HEPHL1: variants seen among roughly 807,000 people sequenced by gnomAD.
HEPHL1 encodes ferroxidase HEPHL1.
Under a neutral mutation model 122.0 loss-of-function variants are expected in HEPHL1, and 123 were observed. The observed-to-expected ratio is 1.01, with a 90% confidence interval of 0.87 to 1.17. HEPHL1 has a LOEUF of 1.17. HEPHL1 is among the 50% of genes most tolerant of loss of function. The pLI, the probability that HEPHL1 is intolerant of heterozygous loss-of-function variation, is 0.00. For missense variants in HEPHL1, 1,452 were observed against 1,430.5 expected, an observed-to-expected ratio of 1.01 and a Z score of -0.24; for synonymous variants, 527 against 508.9, an observed-to-expected ratio of 1.04 and a Z score of -0.48.
intron 15 of HEPHL1, among the ~76,000 whole-genome samples, chr11:94,103,731 G>C (rs1042846316): frequency 5.9e-5 from 9 of 151,736 alleles, no homozygotes; most frequent in Admixed American, 2.0e-4. Context: ...GCCTATTAAA[G>C]AAAAAAAGGG....
chr11:94,088,966 A>G lies in HEPHL1; in HGVS notation c.2292A>G (p.Glu764=), dbSNP rs376696234. The G allele has an allele frequency of 8.7e-6, 14 of 1,613,750 alleles. No individual in the cohort carries two copies. In the African/African-American group the frequency reaches 1.6e-4, roughly 18 times the overall value. Residue 764 remains glutamate, a splice_region_variant and synonymous_variant, in exon 12 of 20, where the codon GAA becomes GAG. Transcript: ENST00000315765. ...AGCAGCACGTGGACGCAAGAGGGGA[A>G]AGGTACCACAGGCGCCGCCGCTAGG... is the stretch of plus-strand genomic sequence containing the variant. ...FEKQHVDARG[E]RHGDIFMNRT...
At chr11:94,052,596 T>C (rs563603298) in intron 2 of HEPHL1, among the ~76,000 whole-genome samples, 1 of 152,232 alleles carries the variant, frequency 6.6e-6, no homozygotes, top group East Asian at 1.9e-4. Flanking sequence ...AGTTTGGATG[T>C]CCTTATTTCT....
chr11:94,098,446 T>A (rs1946337853), intron 13 of HEPHL1, among the ~76,000 whole-genome samples: 1 of 152,222 alleles, frequency 6.6e-6, no homozygotes, highest in African/African-American at 2.4e-5. Flanking sequence ...GCCCATAACA[T>A]TTTTTCCTTC....
rs375799549 is a variant in HEPHL1 at position 94,104,656 on chromosome 11, C to G, written c.2811C>G (p.Ser937=). ...LLFLVFNENE[S]WYLDDNIKKY... The stretch of plus-strand genomic sequence containing the variant: ...TTTTGGTATTTAATGAGAATGAATC[C>G]TGGTATCTGGATGACAATATTAAGA... The change falls in exon 16 of 20, where the codon TCC becomes TCG. Residue 937 remains serine, a synonymous_variant. Transcript: ENST00000315765. The G allele has an allele frequency of 1.2e-6, 2 of 1,613,570 alleles. No individual in the cohort carries two copies. Among genetic ancestry groups the G allele is most frequent in the Non-Finnish European group, 1.7e-6 (2 of 1,179,574 alleles).
chr11:94,106,045 C>A lies in HEPHL1; in HGVS notation c.2960C>A (p.Thr987Lys). 3 of 1,600,758 alleles carry A rather than the reference C, an allele frequency of 1.9e-6. No individual in the cohort carries two copies. The highest frequency in any genetic ancestry group is 2.3e-5 in the South Asian group (2 of 88,634). Reference protein sequence around the residue: ...NLHGLIMNEDTMTNWYLLGIG... With the variant: ...NLHGLIMNEDKMTNWYLLGIG... ...CATGGCCTCATAATGAACGAAGATA[C>A]AATGACAAACTGGTATTTGTTAGGG... Residue 987 changes from threonine (T) to lysine (K), a missense_variant, in exon 17 of 20, where the codon ACA (threonine) becomes AAA (lysine). By Grantham distance (78) the Thr-to-Lys change is moderately conservative. Transcript: ENST00000315765.
chr11:94,105,960 C>A, intron 16 of HEPHL1, 31 bp from the exon 17 acceptor site: 2 of 1,484,428 alleles, frequency 1.3e-6, no homozygotes, highest in Non-Finnish European at 1.8e-6. Context: ...TTTTAACTAA[C>A]CAAAGGTTAT....
rs199720861 is a variant in HEPHL1 at position 94,045,759 on chromosome 11, C to G, written c.257C>G (p.Thr86Ser). ...GTTTACAGACGCTTCACGGATGGAA[C>G]CTACTCCATAGAGATCCCCAAACCT... ...KAVYRRFTDG[T>S]YSIEIPKPPW... The change falls in exon 2 of 20, where the codon ACC becomes AGC. Residue 86 changes from threonine (T) to serine (S), a missense_variant. Coordinates refer to ENST00000315765, the MANE Select transcript of HEPHL1 (RefSeq NM_001098672.2). 5 of 1,613,782 alleles carry G rather than the reference C, an allele frequency of 3.1e-6. No individual in the cohort carries two copies. The highest frequency in any genetic ancestry group is 2.2e-5 in the East Asian group (1 of 44,894).
At position 94,063,542 on chromosome 11, in the gene HEPHL1, C is replaced by T. The variant is rs756758997; in HGVS notation, c.450C>T (p.Asn150=). Residue 150 remains asparagine (N), a synonymous_variant, in exon 3 of 20, where the codon AAC becomes AAT. Coordinates refer to ENST00000315765, the MANE Select transcript of HEPHL1 (RefSeq NM_001098672.2). ...ALYPDGTSGR[N]KNDDMVPPGK... ...ACCCAGATGGAACATCTGGAAGGAA[C>T]AAAAATGATGACATGGTTCCTCCTG... 1.2e-6 allele frequency: 2 copies of T among 1,612,244 alleles called. No individual in the cohort carries two copies. The highest frequency in any genetic ancestry group is 1.3e-5 in the African/African-American group (1 of 74,736).
intron 13 of HEPHL1, among the ~76,000 whole-genome samples, chr11:94,100,940 T>C (rs2134451521): frequency 6.6e-6 from 1 of 152,268 alleles, no homozygotes; most frequent in Admixed American, 6.5e-5. Context: ...AAACTGAAAC[T>C]CAGACAGATT....
rs1192017167 is a variant in HEPHL1, at chr11:94,073,391, C to T, written c.1456C>T (p.His486Tyr). Residue 486 changes from histidine to tyrosine, a missense_variant, in exon 8 of 20, where the codon CAT (histidine) becomes TAT (tyrosine). Coordinates refer to ENST00000315765, the MANE Select transcript of HEPHL1 (RefSeq NM_001098672.2). ...CGACAAGGTCTATAGCATTTTACCCCATGGTGTGATCTATGACAAGGCATC... is the reference window on the plus strand; with the variant it reads ...CGACAAGGTCTATAGCATTTTACCCTATGGTGTGATCTATGACAAGGCATC... ...KADKVYSILP[H>Y]GVIYDKASDA... is the part of the protein sequence containing the mutation. The T allele has an allele frequency of 2.6e-6, 4 of 1,567,222 alleles. No individual in the cohort carries two copies. In the African/African-American group the frequency reaches 5.4e-5, roughly 21 times the overall value.
chr11:94,083,064 G>A (rs925958380), intron 10 of HEPHL1, among the ~76,000 whole-genome samples: 9 of 145,840 alleles, frequency 6.2e-5, no homozygotes, highest in African/African-American at 1.5e-4. Context: ...CAGCCTGGGC[G>A]ACAGAGTGAG....
rs1032035004 is a variant in HEPHL1, at chr11:94,067,019, A to G, written c.809-477A>G. Reference sequence around the variant, plus strand: ...ATTCCTTTTCTTTCCATCTTACTACATGCTTTTGTCACTTCATTAAGTAGA... The same window carrying G: ...ATTCCTTTTCTTTCCATCTTACTACGTGCTTTTGTCACTTCATTAAGTAGA... On this transcript the variant is annotated intron_variant, in intron 4 of 19. Transcript: ENST00000315765. 2.6e-5 allele frequency among the ~76,000 whole-genome samples: 4 copies of G among 152,182 alleles called. No homozygotes were observed. The South Asian group carries it at 8.3e-4, about 32-fold the overall frequency.
chr11:94,102,971 A>C lies in HEPHL1; in HGVS notation c.2633A>C (p.Asp878Ala). 1 of 1,610,808 alleles carries C rather than the reference A, an allele frequency of 6.2e-7. No homozygotes were observed. The highest frequency in any genetic ancestry group is 2.2e-5 in the East Asian group (1 of 44,836). The change falls in exon 15 of 20, where the codon GAT (aspartate) becomes GCT (alanine). Residue 878 changes from aspartate to alanine, a missense_variant. Coordinates refer to ENST00000315765, the MANE Select transcript of HEPHL1 (RefSeq NM_001098672.2). ...IPKRSGPGPSDPNCIPWVYYS... is the reference protein window; with the variant it reads ...IPKRSGPGPSAPNCIPWVYYS... ...AAAAGATCCGGTCCAGGGCCTTCTGATCCCAATTGTATTCCATGGGTTTAC... is the reference window on the plus strand; with the variant it reads ...AAAAGATCCGGTCCAGGGCCTTCTGCTCCCAATTGTATTCCATGGGTTTAC...
chr11:94,030,813 C>T (rs2134404506), intron 1 of HEPHL1, among the ~76,000 whole-genome samples: 1 of 152,314 alleles, frequency 6.6e-6, no homozygotes, highest in African/African-American at 2.4e-5. Context: ...TGGGAGAGGG[C>T]TAACTCTTGC....
chr11:94,070,196 A>G (rs1472448683), intron 5 of HEPHL1, among the ~76,000 whole-genome samples, 178 bp from the exon 6 acceptor site: 2 of 152,076 alleles, frequency 1.3e-5, no homozygotes, highest in African/African-American at 4.8e-5. Context: ...ATCTTTTGTC[A>G]TATGTGTCAC....
intron 1 of HEPHL1, among the ~76,000 whole-genome samples, chr11:94,032,037 G>A (rs776121922): frequency 3.3e-5 from 5 of 152,114 alleles, no homozygotes; most frequent in Non-Finnish European, 7.4e-5. Context: ...AACCTTTGGG[G>A]TCTCTTCACT....
chr11:94,093,751 C>A, intron 13 of HEPHL1, 111 bp downstream of exon 13: 1 of 1,218,824 alleles, frequency 8.2e-7, no homozygotes, highest in Non-Finnish European at 1.1e-6. Flanking sequence ...AACAGAGTAG[C>A]TTGACTGCAT....
intron 13 of HEPHL1, among the ~76,000 whole-genome samples, chr11:94,096,438 A>T (rs1788556976): frequency 6.6e-6 from 1 of 152,034 alleles, no homozygotes; most frequent in African/African-American, 2.4e-5. Flanking sequence ...TTTATTGAGG[A>T]TTTTTGCATC....
intron 13 of HEPHL1, among the ~76,000 whole-genome samples, chr11:94,094,225 A>G (rs1946290049): frequency 6.6e-6 from 1 of 151,222 alleles, no homozygotes; most frequent in Non-Finnish European, 1.5e-5. Flanking sequence ...TTCAATTTCC[A>G]TCTATGAGTG....
Sources: gnomAD v4.1 joint callset for allele counts (sites outside exome capture counted in the v4.1 genomes callset) on GRCh38, gnomAD v4.1.1 for gene constraint, MANE v1.5 for transcripts, NCBI Gene and HGNC (gene_info 2026-07-23, HGNC 2026-07-21) for gene names.